Variants in TSNARE1 observed in about 807,000 individuals in gnomAD.
TSNARE1 encodes t-SNARE domain-containing protein 1.
A neutral mutation model predicts 62.0 loss-of-function variants in TSNARE1; 49 were observed. The observed-to-expected ratio is 0.79, with a 90% confidence interval of 0.63 to 1.00. TSNARE1 has a LOEUF of 1.00. Ranked by LOEUF, TSNARE1 falls within the 50% of genes least tolerant of loss-of-function variation. The pLI, the probability that TSNARE1 is intolerant of heterozygous loss-of-function variation, is 0.00. For missense variants in TSNARE1, 755 were observed against 700.1 expected (o/e 1.08, Z -0.88); for synonymous variants, 328 against 294.4 (o/e 1.11, Z -1.17).
chr8:142,348,996 G>C (rs72614028), intron 2 of TSNARE1, among the ~76,000 whole-genome samples: 9,289 of 152,190 alleles, frequency 0.061, 459 homozygotes, highest in East Asian at 0.26. Context: ...ATTTGTCCAG[G>C]CCCCACCAGC....
At chr8:142,234,987 G>C (rs1425747518) in intron 12 of TSNARE1, among the ~76,000 whole-genome samples, 1 of 152,110 alleles carries the variant, frequency 6.6e-6, no homozygotes, top group Non-Finnish European at 1.5e-5. Context: ...GATGGCTGAG[G>C]AGTGCCCCCA....
chr8:142,223,094 C>CCACTCATTCCGTTCATT (rs1563756699), intron 13 of TSNARE1, among the ~76,000 whole-genome samples: 50 of 16,424 alleles, frequency 3.0e-3, no homozygotes, highest in African/African-American at 7.5e-3. Flanking sequence ...ACTCATTCAT[C>CCACTCATTCCGTTCATT]CACTCATTCA....
intron 12 of TSNARE1, chr8:142,271,374 A>T: frequency 8.2e-7 from 1 of 1,213,698 alleles, no homozygotes; most frequent in Non-Finnish European, 1.0e-6. Context: ...TGCTGGGCCC[A>T]GGAGGACAGC....
intron 2 of TSNARE1, among the ~76,000 whole-genome samples, chr8:142,351,387 A>T: frequency 6.6e-6 from 1 of 152,264 alleles, no homozygotes; most frequent in East Asian, 1.9e-4. Context: ...AGCAGGAAAG[A>T]AAGTTTTTAC....
At chr8:142,300,846 A>AGGAG (rs1443729894) in intron 9 of TSNARE1, among the ~76,000 whole-genome samples, 8 of 152,122 alleles carry the variant, frequency 5.3e-5, no homozygotes, top group African/African-American at 1.7e-4. Context: ...GGCGCCGGTC[A>AGGAG]CCTGGGAAAG....
At chr8:142,261,786 C>CTATA (rs1818903901) in intron 12 of TSNARE1, among the ~76,000 whole-genome samples, 2 of 152,218 alleles carry the variant, frequency 1.3e-5, no homozygotes. Flanking sequence ...GCTGCCCTCG[C>CTATA]TATACCCAGC....
intron 1 of TSNARE1, among the ~76,000 whole-genome samples, chr8:142,384,817 A>G (rs1174830264): frequency 6.6e-6 from 1 of 152,242 alleles, no homozygotes; most frequent in Non-Finnish European, 1.5e-5. Context: ...CAGACAAGAA[A>G]AGAAAAAAAT....
intron 6 of TSNARE1, among the ~76,000 whole-genome samples, chr8:142,322,801 C>T (rs576450989): frequency 2.6e-5 from 4 of 152,078 alleles, no homozygotes; most frequent in Admixed American, 2.0e-4. Context: ...AAAGGCCGGC[C>T]TTACCGTGTC....
rs577559355 is a variant in TSNARE1, at chr8:142,244,180, C to T, written c.1447-14601G>A. Among the ~76,000 whole-genome samples, 13 of 152,204 alleles carry T rather than the reference C, an allele frequency of 8.5e-5. No homozygotes were observed. In the South Asian group the frequency reaches 1.5e-3, roughly 17 times the overall value. ...TAGCCTGGGCGACAGAGCGAGACTC[C>T]GACATTAAACTGTCATGATTGGTAA... On this transcript the variant is annotated intron_variant, in intron 12 of 13. Transcript: ENST00000524325.
intron 1 of TSNARE1, chr8:142,366,141 A>C (rs550650144): frequency 2.3e-5 from 6 of 260,944 alleles, no homozygotes; most frequent in African/African-American, 1.2e-4. Context: ...GGTTCATGCC[A>C]CTCTCCAGCC....
At chr8:142,392,185 G>C (rs569116077) in intron 1 of TSNARE1, among the ~76,000 whole-genome samples, 1 of 152,106 alleles carries the variant, frequency 6.6e-6, no homozygotes, top group East Asian at 1.9e-4. Flanking sequence ...CACCATGCCC[G>C]GCTAATTTTT....
chr8:142,215,849 C>T (rs1486521866), intron 13 of TSNARE1, among the ~76,000 whole-genome samples: 1 of 152,248 alleles, frequency 6.6e-6, no homozygotes, highest in Non-Finnish European at 1.5e-5. Flanking sequence ...CCACATTCCC[C>T]TGAGCTCTGG....
chr8:142,350,085 A>T (rs1032074952), intron 2 of TSNARE1, among the ~76,000 whole-genome samples: 11 of 91,702 alleles, frequency 1.2e-4, no homozygotes, highest in South Asian at 4.9e-4. Flanking sequence ...CAGGCAGGGC[A>T]GGCAGGGCAG....
chr8:142,359,965 C>T lies in TSNARE1; in HGVS notation c.-39-5202G>A, dbSNP rs534772547. ...GCTGGCTCGCTCGGATGGGACTTCA[C>T]CCGGACACCATGAGAGCCTCTCAGA... is the stretch of plus-strand genomic sequence containing the variant. On this transcript the variant is annotated intron_variant, in intron 1 of 13. Transcript: ENST00000524325. 2.0e-5 allele frequency among the ~76,000 whole-genome samples: 3 copies of T among 152,300 alleles called. No individual in the cohort carries two copies. In the South Asian group the frequency reaches 6.2e-4, roughly 32 times the overall value.
intron 11 of TSNARE1, chr8:142,278,931 T>C: frequency 2.6e-6 from 1 of 387,468 alleles, no homozygotes; most frequent in Non-Finnish European, 3.5e-6. Flanking sequence ...CTCCTCAACG[T>C]GACCAATGAA....
At chr8:142,224,449 CCCTGCCCCTGA>C (rs1344356568) in intron 13 of TSNARE1, among the ~76,000 whole-genome samples, 5 of 152,198 alleles carry the variant, frequency 3.3e-5, no homozygotes, top group Admixed American at 1.3e-4. Context: ...ACAGGCTGGG[CCCTGCCCCTGA>C]TGCCAGACAA....
At chr8:142,289,569 CACT>C (rs1823403121) in intron 10 of TSNARE1, among the ~76,000 whole-genome samples, 1 of 152,156 alleles carries the variant, frequency 6.6e-6, no homozygotes, top group African/African-American at 2.4e-5. Flanking sequence ...ACGAACACAC[CACT>C]GTGCTGTCTC....
chr8:142,221,186 G>A (rs1339197783), intron 13 of TSNARE1, among the ~76,000 whole-genome samples: 1 of 152,180 alleles, frequency 6.6e-6, no homozygotes, highest in African/African-American at 2.4e-5. Flanking sequence ...GTGGCGCTGT[G>A]GCGAGGAGTC....
At chr8:142,281,375 T>C (rs1237095199) in intron 11 of TSNARE1, among the ~76,000 whole-genome samples, 2 of 151,586 alleles carry the variant, frequency 1.3e-5, no homozygotes, top group Non-Finnish European at 2.9e-5. Flanking sequence ...AGCCCTCCAG[T>C]GGGAGCGGGA....
Sources: allele counts gnomAD v4.1 joint callset (sites outside exome capture counted in the v4.1 genomes callset), GRCh38; gene constraint gnomAD v4.1.1; transcripts MANE v1.5; gene names NCBI Gene and HGNC (gene_info 2026-07-23, HGNC 2026-07-21).